The following MSRA variants were observed in gnomAD, a reference collection of about 807,000 sequenced individuals.
MSRA encodes the protein methionine sulfoxide reductase A, also known as mitochondrial peptide methionine sulfoxide reductase.
In MSRA, 54 loss-of-function variants were observed where a neutral mutation model predicts 31.3. The observed-to-expected ratio is 1.73, with a 90% CI of 1.39 to 2.17. The LOEUF (loss-of-function observed/expected upper bound fraction) is 2.17, where lower values mean the gene tolerates loss of function less well. Ranked by LOEUF, MSRA falls within the 30% of genes most tolerant of loss-of-function variation. The pLI is 0.00. For synonymous variants in MSRA, 169 were observed against 116.5 expected, an observed-to-expected ratio of 1.45 and a Z score of -2.90; for missense variants, 507 against 300.9, an observed-to-expected ratio of 1.69 and a Z score of -5.07.
chr8:10,370,146 T>G (rs1242485611), intron 5 of MSRA, among the ~76,000 whole-genome samples: 1 of 152,258 alleles, frequency 6.6e-6, no homozygotes, highest in Admixed American at 6.5e-5. Flanking sequence ...CCACATGTCA[T>G]TTTCATTCCC....
intron 5 of MSRA, chr8:10,336,976 G>A (rs543834282): frequency 1.3e-5 from 2 of 152,158 alleles, no homozygotes; most frequent in Admixed American, 6.5e-5. Flanking sequence ...CTGGCCACAA[G>A]GCTGCCATTC....
intron 5 of MSRA, among the ~76,000 whole-genome samples, chr8:10,421,992 C>T (rs1423946289): frequency 6.6e-6 from 1 of 152,194 alleles, no homozygotes; most frequent in Non-Finnish European, 1.5e-5. Context: ...AGTTAAAACA[C>T]GCCAGGCAGG....
intron 5 of MSRA, among the ~76,000 whole-genome samples, chr8:10,402,726 T>A (rs1224130507): frequency 2.0e-5 from 3 of 152,244 alleles, no homozygotes; most frequent in African/African-American, 7.2e-5. Flanking sequence ...TAGTTGCAGA[T>A]GGCCAAGCTC....
intron 5 of MSRA, chr8:10,337,935 G>A (rs1803160207): frequency 3.1e-6 from 2 of 641,646 alleles, no homozygotes; most frequent in South Asian, 1.8e-5. Flanking sequence ...AGACTAATAA[G>A]ACTTGGAAGT....
At chr8:10,286,865 G>A (rs1389037183) in intron 3 of MSRA, among the ~76,000 whole-genome samples, 3 of 152,252 alleles carry the variant, frequency 2.0e-5, no homozygotes, top group African/African-American at 7.2e-5. Context: ...AAGCCTGTGT[G>A]TACGCACATG....
intron 1 of MSRA, among the ~76,000 whole-genome samples, chr8:10,138,602 T>A (rs1802466139): frequency 6.6e-6 from 1 of 152,236 alleles, no homozygotes; most frequent in Non-Finnish European, 1.5e-5. Context: ...GCAAGAATAT[T>A]TCCTATTTTC....
intron 5 of MSRA, among the ~76,000 whole-genome samples, chr8:10,388,996 G>A (rs1006196288): frequency 6.6e-6 from 1 of 152,170 alleles, no homozygotes; most frequent in African/African-American, 2.4e-5. Context: ...AGAATCGCCT[G>A]TTGACATATT....
chr8:10,423,456 G>A (rs992347555), intron 5 of MSRA, among the ~76,000 whole-genome samples: 16 of 152,046 alleles, frequency 1.1e-4, no homozygotes, highest in Admixed American at 6.5e-5. Context: ...CACCCATGCC[G>A]GCACCTGCAT....
chr8:10,246,620 T>A (rs1485605918), intron 3 of MSRA, among the ~76,000 whole-genome samples: 1 of 152,188 alleles, frequency 6.6e-6, no homozygotes, highest in Non-Finnish European at 1.5e-5. Context: ...AGCTGGAGTT[T>A]GGGAGCTTGG....
chr8:10,054,617 A>C lies in MSRA; in HGVS notation c.101A>C (p.Gln34Pro), dbSNP rs376163269. The change falls in exon 1 of 6, where the codon CAG becomes CCG. Residue 34 changes from glutamine to proline, a missense_variant. Physicochemically the swap from Gln to Pro is moderately conservative, Grantham distance 76. Transcript: ENST00000317173. Reference protein sequence around the residue: ...GNSASNIVSPQEALPGRKEQT... With the variant: ...GNSASNIVSPPEALPGRKEQT... ...TCGGCCTCGAACATCGTCAGCCCCC[A>C]GGAGGCCTTGCCGGGCCGGAAGGAA... is the stretch of plus-strand genomic sequence containing the variant. 4.0e-5 allele frequency: 63 copies of C among 1,577,686 alleles called. No individual in the cohort carries two copies. The African/African-American group carries it at 7.6e-4, about 19-fold the overall frequency.
intron 3 of MSRA, among the ~76,000 whole-genome samples, chr8:10,271,796 G>A (rs976067799): frequency 3.4e-5 from 5 of 148,770 alleles, no homozygotes; most frequent in African/African-American, 7.5e-5. Flanking sequence ...TTGGCTCACC[G>A]CAACCTCGGC....
chr8:10,239,358 C>T (rs973540154), intron 2 of MSRA, among the ~76,000 whole-genome samples: 1 of 152,184 alleles, frequency 6.6e-6, no homozygotes. Context: ...GACGGGGTTT[C>T]ACCATATTGG....
chr8:10,261,458 G>A (rs1262726943), intron 3 of MSRA, among the ~76,000 whole-genome samples: 3 of 151,896 alleles, frequency 2.0e-5, no homozygotes, highest in Non-Finnish European at 4.4e-5. Flanking sequence ...CATTTTGGGA[G>A]GCTGAGATGG....
intron 2 of MSRA, among the ~76,000 whole-genome samples, chr8:10,218,070 G>GTGGTGTGT (rs1396892084): frequency 8.6e-5 from 13 of 151,648 alleles, no homozygotes; most frequent in African/African-American, 3.1e-4. Flanking sequence ...TCTGTAAGTG[G>GTGGTGTGT]TGGTGTGTTT....
At chr8:10,223,209 G>C (rs1215026689) in intron 2 of MSRA, among the ~76,000 whole-genome samples, 1 of 152,102 alleles carries the variant, frequency 6.6e-6, no homozygotes, top group Non-Finnish European at 1.5e-5. Flanking sequence ...TTTTTAGATA[G>C]AATGGTTTGA....
chr8:10,261,496 G>A (rs1798481414), intron 3 of MSRA, among the ~76,000 whole-genome samples: 1 of 152,074 alleles, frequency 6.6e-6, no homozygotes, highest in Non-Finnish European at 1.5e-5. Context: ...AGGAGTTTGA[G>A]ACCAGGCTGG....
chr8:10,072,723 A>G (rs1797800072), intron 1 of MSRA, among the ~76,000 whole-genome samples: 1 of 152,250 alleles, frequency 6.6e-6, no homozygotes, highest in Non-Finnish European at 1.5e-5. Context: ...CTTTCAATCC[A>G]TGAGCACAGC....
chr8:10,297,788 C>A (rs191307089), intron 3 of MSRA, among the ~76,000 whole-genome samples: 7 of 152,284 alleles, frequency 4.6e-5, no homozygotes, highest in Non-Finnish European at 8.8e-5. Context: ...CCACAAATAA[C>A]GTCAGTGGCA....
rs577632817 is a variant in MSRA, at chr8:10,190,237, T to A, written c.143-17596T>A. 2.0e-5 allele frequency among the ~76,000 whole-genome samples: 3 copies of A among 152,270 alleles called. No individual in the cohort carries two copies. The East Asian group carries it at 5.8e-4, about 29-fold the overall frequency. ...CCTTCCGTTGAGCCTGCCCCAGTCATGGCCCCAGAACTCAGTCTCTGCGAC... is the reference window on the plus strand; with the variant it reads ...CCTTCCGTTGAGCCTGCCCCAGTCAAGGCCCCAGAACTCAGTCTCTGCGAC... On this transcript the variant is annotated intron_variant, in intron 1 of 5. Coordinates refer to ENST00000317173, the MANE Select transcript of MSRA (RefSeq NM_012331.5).
Sources: gnomAD v4.1 joint callset for allele counts (sites outside exome capture counted in the v4.1 genomes callset) on GRCh38, gnomAD v4.1.1 for gene constraint, MANE v1.5 for transcripts, NCBI Gene and HGNC (gene_info 2026-07-23, HGNC 2026-07-21) for gene names.